Variants in TCEANC observed in about 807,000 individuals in gnomAD.
TCEANC encodes the protein transcription elongation factor A N-terminal and central domain-containing protein.
In TCEANC, 8 loss-of-function variants were observed where a neutral mutation model predicts 8.7. The ratio of observed to expected loss-of-function variants is 0.92; its 90% CI spans 0.54 to 1.65. TCEANC has a LOEUF of 1.65. Ranked by LOEUF, TCEANC falls within the 40% of genes most tolerant of loss-of-function variation. The pLI, the probability that TCEANC is intolerant of heterozygous loss-of-function variation, is 0.00. For synonymous variants in TCEANC, 78 were observed against 92.9 expected (o/e 0.84, Z 0.92); for missense variants, 255 against 251.9 (o/e 1.01, Z -0.08).
chrX:13,660,538 A>G (rs1049497275), intron 1 of TCEANC, among the ~76,000 whole-genome samples: 25 of 112,392 alleles, frequency 2.2e-4, no homozygotes, highest in African/African-American at 7.4e-4. Flanking sequence ...TTTCATGTAA[A>G]TAAAATCATA....
exon 2 of TCEANC, chrX:13,664,501 T>G (rs2146731296): frequency 8.1e-6 from 1 of 123,593 alleles, no homozygotes; most frequent in Non-Finnish European, 1.9e-5. Flanking sequence ...GCCCTCTTGC[T>G]TAGTTGAAGG....
chrX:13,662,450 C>T (rs962783252), intron 1 of TCEANC, 51 bp from the exon 5 acceptor site: 12 of 1,100,837 alleles, frequency 1.1e-5, no homozygotes, highest in Admixed American at 5.7e-5. Flanking sequence ...CCAGAAGCTG[C>T]GACTAGCAAC....
exon 2 of TCEANC, chrX:13,664,633 C>T (rs989830455): frequency 4.1e-5 from 5 of 122,577 alleles, no homozygotes; most frequent in Non-Finnish European, 7.5e-5. Context: ...TTCATGTTCT[C>T]AAGGACAAGT....
chrX:13,658,849 C>A (rs1004710265), intron 1 of TCEANC, among the ~76,000 whole-genome samples: 49 of 112,161 alleles, frequency 4.4e-4, no homozygotes, highest in African/African-American at 1.6e-3. Context: ...TGTAGAAAAC[C>A]TGGGGCAGTC....
At chrX:13,660,854 A>T (rs1006531789) in intron 1 of TCEANC, among the ~76,000 whole-genome samples, 177 bp from the exon 4 acceptor site, 6 of 109,640 alleles carry the variant, frequency 5.5e-5, no homozygotes, top group African/African-American at 1.7e-4. Context: ...ATTTATTATT[A>T]TTTTTTTTTA....
exon 2 of TCEANC, chrX:13,662,645 C>A (rs1569217882): frequency 8.3e-7 from 1 of 1,211,511 alleles, no homozygotes; most frequent in East Asian, 3.0e-5. Flanking sequence ...CTCCAGGAGA[C>A]AGATGTGGTC....
upstream of TCEANC, among the ~76,000 whole-genome samples, chrX:13,654,782 G>A (rs764950359): frequency 2.7e-5 from 3 of 111,350 alleles, no homozygotes; most frequent in Non-Finnish European, 5.7e-5. Flanking sequence ...TTATGCAAAT[G>A]TTTTGACCCC....
chrX:13,657,910 C>G (rs150143498), intron 1 of TCEANC, among the ~76,000 whole-genome samples: 128 of 110,899 alleles, frequency 1.2e-3, no homozygotes, highest in African/African-American at 4.1e-3. Flanking sequence ...TGTCCATCAA[C>G]TGATGAATGG....
chrX:13,659,472 G>A (rs894144781), intron 1 of TCEANC, among the ~76,000 whole-genome samples, 180 bp from the exon 3 acceptor site: 2 of 112,060 alleles, frequency 1.8e-5, no homozygotes, highest in African/African-American at 6.5e-5. Flanking sequence ...AGCAAAATGA[G>A]TAAATCTATA....
intron 1 of TCEANC, among the ~76,000 whole-genome samples, chrX:13,657,716 G>A (rs780038163): frequency 1.4e-3 from 148 of 107,817 alleles, no homozygotes; most frequent in African/African-American, 4.8e-3. Context: ...TCTGAGGCAC[G>A]AGAATCACTT....
intron 1 of TCEANC, among the ~76,000 whole-genome samples, chrX:13,657,349 A>C (rs1306883918): frequency 2.7e-5 from 3 of 112,437 alleles, no homozygotes; most frequent in Non-Finnish European, 5.6e-5. Context: ...GGATGATCCA[A>C]TAACATAACC....
chrX:13,656,451 A>G (rs1212319535), intron 1 of TCEANC, among the ~76,000 whole-genome samples: 2 of 112,783 alleles, frequency 1.8e-5, no homozygotes, highest in African/African-American at 3.2e-5. Flanking sequence ...AATCCTTTAT[A>G]TCCACATGAT....
At chrX:13,657,230 TA>T (rs766526981) in intron 1 of TCEANC, among the ~76,000 whole-genome samples, 1 of 112,363 alleles carries the variant, frequency 8.9e-6, no homozygotes, top group Non-Finnish European at 1.9e-5. Flanking sequence ...GAATTCACTT[TA>T]AGGAAACGAG....
chrX:13,663,283 A>G (rs1348458885), exon 2 of TCEANC: 25 of 1,200,308 alleles, frequency 2.1e-5, no homozygotes, highest in African/African-American at 3.5e-5. Flanking sequence ...AATGACTGTC[A>G]TGGAGATGGC....
chrX:13,662,527 A>G, exon 2 of TCEANC: 1 of 1,209,838 alleles, frequency 8.3e-7, no homozygotes, highest in Non-Finnish European at 1.1e-6. Flanking sequence ...CAAGAACCAG[A>G]TAGCTGCCAG....
At chrX:13,660,514 G>A (rs1161423228) in intron 1 of TCEANC, among the ~76,000 whole-genome samples, 2 of 111,930 alleles carry the variant, frequency 1.8e-5, no homozygotes, top group Non-Finnish European at 3.8e-5. Flanking sequence ...CTATAGATTT[G>A]CCTGTTTTGG....
chrX:13,655,836 G>A (rs1310542517), intron 1 of TCEANC, among the ~76,000 whole-genome samples: 1 of 112,788 alleles, frequency 8.9e-6, no homozygotes, highest in Non-Finnish European at 1.9e-5. Context: ...AGCCAGGCTC[G>A]GGATGCTGCT....
At chrX:13,662,116 A>T (rs1239955237) in intron 1 of TCEANC, among the ~76,000 whole-genome samples, 1 of 111,985 alleles carries the variant, frequency 8.9e-6, no homozygotes, top group Non-Finnish European at 1.9e-5. Flanking sequence ...TGCCATATTG[A>T]TGCTGACACC....
upstream of TCEANC, among the ~76,000 whole-genome samples, chrX:13,654,451 A>G (rs1227324812): frequency 8.9e-6 from 1 of 112,648 alleles, no homozygotes; most frequent in Non-Finnish European, 1.9e-5. Flanking sequence ...TAGAGATTGT[A>G]TGGCCTACAA....
Sources: allele counts gnomAD v4.1 joint callset (sites outside exome capture counted in the v4.1 genomes callset), GRCh38; gene constraint gnomAD v4.1.1; transcripts MANE v1.5; gene names NCBI Gene and HGNC (gene_info 2026-07-23, HGNC 2026-07-21).